ERC2: variants seen among roughly 807,000 people sequenced by gnomAD.
The protein encoded by ERC2 is ERC protein 2.
In ERC2, 42 loss-of-function variants were observed where a neutral mutation model predicts 114.8. The observed-to-expected ratio is 0.37, with a 90% CI of 0.29 to 0.47. ERC2 has a LOEUF of 0.47. Among genes scored for constraint, ERC2 ranks in the 20% least tolerant of loss-of-function variants. The probability of loss-of-function intolerance (pLI) is 0.99; values close to 1 mark genes in which losing one functional copy is unlikely to be tolerated. For synonymous variants in ERC2, 454 were observed against 425.5 expected, an observed-to-expected ratio of 1.07 and a Z score of -0.82; for missense variants, 939 against 1,150.7, an observed-to-expected ratio of 0.82 and a Z score of 2.66.
intron 2 of ERC2, among the ~76,000 whole-genome samples, chr3:56,402,974 A>C (rs1028405935): frequency 6.6e-6 from 1 of 152,144 alleles, no homozygotes; most frequent in Non-Finnish European, 1.5e-5. Flanking sequence ...CGACCCGTTA[A>C]ATGCCAGTGG....
At chr3:55,535,436 G>T (rs1407454325) in intron 17 of ERC2, among the ~76,000 whole-genome samples, 7 of 152,216 alleles carry the variant, frequency 4.6e-5, no homozygotes, top group Non-Finnish European at 1.0e-4. Flanking sequence ...TTTGGGGAGA[G>T]AAGGTGGAAG....
At chr3:55,974,124 G>GTTTAAACT (rs772688394) in intron 12 of ERC2, among the ~76,000 whole-genome samples, 2 of 152,110 alleles carry the variant, frequency 1.3e-5, no homozygotes, top group Non-Finnish European at 2.9e-5. Context: ...CAGCTTAAAA[G>GTTTAAACT]TTTAAAGTTT....
chr3:56,087,219 A>C (rs2077551089), intron 6 of ERC2, among the ~76,000 whole-genome samples: 1 of 134,476 alleles, frequency 7.4e-6, no homozygotes, highest in South Asian at 2.4e-4. Flanking sequence ...GTGTGTGTGT[A>C]AGAGCATGTG....
At chr3:56,070,753 G>A (rs950907361) in intron 7 of ERC2, among the ~76,000 whole-genome samples, 3 of 152,178 alleles carry the variant, frequency 2.0e-5, no homozygotes, top group Admixed American at 6.6e-5. Context: ...GCTAGAAGAC[G>A]TAAAGAATAG....
At chr3:55,530,901 C>T (rs1324384548) in intron 17 of ERC2, among the ~76,000 whole-genome samples, 1 of 152,180 alleles carries the variant, frequency 6.6e-6, no homozygotes, top group Non-Finnish European at 1.5e-5. Context: ...CACACAGGAG[C>T]ACGGTTTGGA....
At chr3:56,294,260 G>A (rs139706533) in intron 3 of ERC2, among the ~76,000 whole-genome samples, 78 of 152,318 alleles carry the variant, frequency 5.1e-4, no homozygotes, top group African/African-American at 1.9e-3. Context: ...TTAAAATTGA[G>A]CAGCTTAAAA....
chr3:56,154,769 A>G (rs1306724609), intron 4 of ERC2, among the ~76,000 whole-genome samples: 2 of 152,146 alleles, frequency 1.3e-5, no homozygotes, highest in African/African-American at 4.8e-5. Flanking sequence ...TATGCTCCTG[A>G]GTATGTTAAG....
At chr3:55,995,751 GA>G (rs2071456718) in intron 10 of ERC2, among the ~76,000 whole-genome samples, 1 of 152,098 alleles carries the variant, frequency 6.6e-6, no homozygotes, top group South Asian at 2.1e-4. Context: ...CTTTTCAGAG[GA>G]TGGGCTGAAA....
Position 56,008,148 on chromosome 3 carries a change from T to C in ERC2, c.1921-827A>G, listed in dbSNP as rs77392726. ...AGGTTTTACCCCAAAACAGACTCCATGTATTTCCTTCTTGATCATTTGCAT... is the reference window on the plus strand; with the variant it reads ...AGGTTTTACCCCAAAACAGACTCCACGTATTTCCTTCTTGATCATTTGCAT... On this transcript the variant is annotated intron_variant, in intron 9 of 17. Coordinates refer to ENST00000288221, the MANE Select transcript of ERC2 (RefSeq NM_015576.3). Among the ~76,000 whole-genome samples, 1,267 of 152,348 alleles carry C rather than the reference T, an allele frequency of 8.3e-3. 6 individuals are homozygous for C. The highest frequency in any genetic ancestry group is 0.017 in the Middle Eastern group (5 of 294).
intron 14 of ERC2, among the ~76,000 whole-genome samples, chr3:55,754,171 G>A (rs2148976307): frequency 1.4e-5 from 1 of 71,822 alleles, no homozygotes; most frequent in South Asian, 6.7e-4. Flanking sequence ...CTACAGATAA[G>A]AAAACTATTT....
In ERC2 at chr3:55,712,235, G is replaced by T. The variant is rs149129288; in HGVS notation, c.2713-12723C>A. On this transcript the variant is annotated intron_variant, in intron 15 of 17. Transcript: ENST00000288221. ...GAAAATTAGTTGGGGCTGATTTCAGGAAGAGAAGAGCATAAGTGAAGGTGG... is the reference window on the plus strand; with the variant it reads ...GAAAATTAGTTGGGGCTGATTTCAGTAAGAGAAGAGCATAAGTGAAGGTGG... Among the ~76,000 whole-genome samples, 3 of 152,288 alleles carry T rather than the reference G, an allele frequency of 2.0e-5. No homozygotes were observed. The East Asian group carries it at 5.8e-4, about 29-fold the overall frequency.
intron 14 of ERC2, among the ~76,000 whole-genome samples, chr3:55,752,368 C>A (rs1018252785): frequency 6.6e-6 from 1 of 152,212 alleles, no homozygotes; most frequent in African/African-American, 2.4e-5. Context: ...TGACAAGGGT[C>A]AGCCTGTACC....
rs530830776 is a variant in ERC2, at chr3:56,239,272, T to A, written c.1074+56747A>T. Among the ~76,000 whole-genome samples, 143 of 151,820 alleles carry A rather than the reference T, an allele frequency of 9.4e-4. 1 individual carries two copies. Among genetic ancestry groups the A allele is most frequent in the Non-Finnish European group, 1.8e-3 (122 of 67,876 alleles). On this transcript the variant is annotated intron_variant, in intron 3 of 17. Transcript: ENST00000288221. ...TGGCTCATGCCTGTAATCCTAGCACTTTCGGAGGCCGAGGCGGGCAGGTTG... is the reference window on the plus strand; with the variant it reads ...TGGCTCATGCCTGTAATCCTAGCACATTCGGAGGCCGAGGCGGGCAGGTTG...
At chr3:56,049,707 T>C (rs2075664281) in intron 7 of ERC2, among the ~76,000 whole-genome samples, 2 of 152,168 alleles carry the variant, frequency 1.3e-5, no homozygotes, top group African/African-American at 4.8e-5. Context: ...GACTCCAAGT[T>C]CTTCAGCTTT....
At chr3:56,101,951 G>T (rs964295232) in intron 6 of ERC2, among the ~76,000 whole-genome samples, 5 of 152,166 alleles carry the variant, frequency 3.3e-5, no homozygotes, top group Admixed American at 6.5e-5. Context: ...TTGGTGTTGG[G>T]AGCATAAAAA....
intron 3 of ERC2, among the ~76,000 whole-genome samples, chr3:56,249,409 T>C (rs957761544): frequency 6.6e-5 from 10 of 151,946 alleles, no homozygotes; most frequent in African/African-American, 2.4e-4. Context: ...CACTGCAAGC[T>C]CCGCCTCCCG....
At chr3:56,455,532 T>G (rs1434879959) in intron 1 of ERC2, among the ~76,000 whole-genome samples, 1 of 152,206 alleles carries the variant, frequency 6.6e-6, no homozygotes, top group African/African-American at 2.4e-5. Context: ...TGTGGGAAAG[T>G]CAACTAAGAC....
rs1326835335 is a variant in ERC2, at chr3:55,670,962, C to T, written c.*39+12832G>A. ...CTCGTATGGTCTCTGGCTGCTTTTG[C>T]ATGGCAATGGCAGGGTTATGGAGTT... On this transcript the variant is annotated intron_variant, in intron 17 of 17. Coordinates refer to ENST00000288221, the MANE Select transcript of ERC2 (RefSeq NM_015576.3). 4.6e-5 allele frequency among the ~76,000 whole-genome samples: 7 copies of T among 152,168 alleles called. 1 individual carries two copies. Among genetic ancestry groups the T allele is most frequent in the African/African-American group, 2.4e-5 (1 of 41,450 alleles).
chr3:56,099,419 CA>C (rs1206543394), intron 6 of ERC2, among the ~76,000 whole-genome samples: 2 of 152,174 alleles, frequency 1.3e-5, no homozygotes, highest in Non-Finnish European at 2.9e-5. Context: ...TATGGGGATT[CA>C]AAGACCAATG....
Sources: gnomAD v4.1 joint callset for allele counts (sites outside exome capture counted in the v4.1 genomes callset) on GRCh38, gnomAD v4.1.1 for gene constraint, MANE v1.5 for transcripts, NCBI Gene and HGNC (gene_info 2026-07-23, HGNC 2026-07-21) for gene names.